The following PRTG variants were observed in gnomAD, a reference collection of about 807,000 sequenced individuals.
PRTG encodes the protein immunoglobulin superfamily, DCC subclass, member 5.
A neutral mutation model predicts 122.5 loss-of-function variants in PRTG; 67 were observed. The observed-to-expected ratio is 0.55, with a 90% CI of 0.45 to 0.67. The LOEUF is 0.67. PRTG is among the 30% of genes least tolerant of loss of function. PRTG has a pLI of 0.00. For synonymous variants in PRTG, 554 were observed against 501.1 expected (o/e 1.11, Z -1.41); for missense variants, 1,435 against 1,415.4 (o/e 1.01, Z -0.22).
chr15:55,741,383 G>C (rs1323560646), intron 1 of PRTG, among the ~76,000 whole-genome samples: 2 of 152,166 alleles, frequency 1.3e-5, no homozygotes, highest in African/African-American at 2.4e-5. Flanking sequence ...CACTTTTCTA[G>C]AACTACCAAC....
At position 55,618,142 on chromosome 15, in the gene PRTG, C is replaced by G. The variant is rs1282541067; in HGVS notation, c.*1870G>C. The G allele has an allele frequency of 6.6e-6, 1 of 152,142 alleles. No homozygotes were observed. The highest frequency in any genetic ancestry group is 6.5e-5 in the Admixed American group (1 of 15,268). 9.4% of individuals were successfully genotyped at this position (152,142 alleles called of 1,614,324 possible). On this transcript the variant is annotated 3_prime_UTR_variant, in exon 20 of 20. Transcript: ENST00000389286. ...ATGAATTCCGTACTTAGATAACTAA[C>G]TGGGGGACTCTGAGTTTAGTTCAGA...
At chr15:55,686,092 C>T (rs1428326610) in intron 2 of PRTG, among the ~76,000 whole-genome samples, 1 of 152,168 alleles carries the variant, frequency 6.6e-6, no homozygotes, top group East Asian at 1.9e-4. Context: ...ATCAGCTTCA[C>T]ATTCAGGCAG....
At chr15:55,622,771 G>C (rs1267767540) in intron 18 of PRTG, among the ~76,000 whole-genome samples, 1 of 151,608 alleles carries the variant, frequency 6.6e-6, no homozygotes, top group Non-Finnish European at 1.5e-5. Flanking sequence ...CCCGACCTCA[G>C]GTGATACACC....
intron 2 of PRTG, among the ~76,000 whole-genome samples, chr15:55,712,900 T>C (rs2030446400): frequency 6.6e-6 from 1 of 152,188 alleles, no homozygotes; most frequent in African/African-American, 2.4e-5. Flanking sequence ...TCTGACAAAA[T>C]AGGAAAATGT....
intron 7 of PRTG, among the ~76,000 whole-genome samples, 153 bp downstream of exon 7, chr15:55,679,133 T>C (rs1269716628): frequency 2.0e-5 from 3 of 152,226 alleles, no homozygotes; most frequent in African/African-American, 7.2e-5. Context: ...TATGACATGA[T>C]AATGTTATAA....
intron 2 of PRTG, among the ~76,000 whole-genome samples, chr15:55,698,856 G>T (rs2059646322): frequency 6.6e-6 from 1 of 152,016 alleles, no homozygotes; most frequent in African/African-American, 2.4e-5. Flanking sequence ...TACAGAGAGG[G>T]ATGGGGAGAG....
In PRTG at chr15:55,624,410, C is replaced by T; in HGVS notation, c.3025G>A (p.Glu1009Lys). The change falls in exon 18 of 20, where the codon GAA becomes AAA. Residue 1009 changes from glutamate (E) to lysine (K), a missense_variant. Transcript: ENST00000389286. ...ASGNEVGKNL[E>K]GAVGNEESLM... is the part of the protein sequence containing the mutation. ...GATTCTTCATTTCCTACAGCTCCTT[C>T]CAGGTTCTTTCCTACCTCATTTCCA... 6.2e-7 allele frequency: 1 copy of T among 1,614,038 alleles called. No individual in the cohort carries two copies. Among genetic ancestry groups the T allele is most frequent in the Non-Finnish European group, 8.5e-7 (1 of 1,179,948 alleles).
At chr15:55,636,259 T>C (rs567515456) in intron 15 of PRTG, among the ~76,000 whole-genome samples, 1 of 152,328 alleles carries the variant, frequency 6.6e-6, no homozygotes, top group South Asian at 2.1e-4. Flanking sequence ...TAATCAGCTT[T>C]TCCCTGTATT....
chr15:55,673,585 C>T lies in PRTG; in HGVS notation c.1638G>A (p.Arg546=). The change falls in exon 10 of 20, where the codon CGG becomes CGA. Residue 546 remains arginine (R), a synonymous_variant. Transcript: ENST00000389286. ...ACAAGCGATACAGCACCACTTGGCC[C>T]CGCCGATATTTGGCTGGGATTGGCA... ...SWLPIPAKYR[R]GQVVLYRLSF... is the part of the protein sequence containing the mutation. 5 of 1,614,148 alleles carry T rather than the reference C, an allele frequency of 3.1e-6. No individual in the cohort carries two copies. The highest frequency in any genetic ancestry group is 4.2e-6 in the Non-Finnish European group (5 of 1,180,016).
intron 15 of PRTG, among the ~76,000 whole-genome samples, chr15:55,629,955 C>CT (rs2059218086): frequency 6.7e-6 from 1 of 148,368 alleles, no homozygotes; most frequent in Non-Finnish European, 1.5e-5. Context: ...GTAGCTGGGA[C>CT]TACAGGCACC....
chr15:55,679,313 G>A lies in PRTG; in HGVS notation c.1106C>T (p.Ser369Leu), dbSNP rs764068658. The A allele has an allele frequency of 1.8e-5, 29 of 1,611,924 alleles. No individual in the cohort carries two copies. In the African/African-American group the frequency reaches 2.1e-4, roughly 12 times the overall value. ...GTTGTACATTTTAATTCTACCATTC[G>A]AATGTATCTTCCTTCCATTTTTCAA... ...SWLKNGRKIHSNGRIKMYNSK... is the reference protein window; with the variant it reads ...SWLKNGRKIHLNGRIKMYNSK... Residue 369 changes from serine (S) to leucine (L), a missense_variant, in exon 7 of 20, where the codon TCG (serine) becomes TTG (leucine). By Grantham distance (145) the Ser-to-Leu change is moderately radical (BLOSUM62 -2). Transcript: ENST00000389286.
chr15:55,633,611 C>G (rs969467711), intron 15 of PRTG, among the ~76,000 whole-genome samples: 1 of 151,916 alleles, frequency 6.6e-6, no homozygotes, highest in African/African-American at 2.4e-5. Context: ...ATTCTTTTTT[C>G]CTTCATCTTT....
At chr15:55,632,812 T>C (rs1044981274) in intron 15 of PRTG, among the ~76,000 whole-genome samples, 2 of 152,244 alleles carry the variant, frequency 1.3e-5, no homozygotes, top group Non-Finnish European at 2.9e-5. Flanking sequence ...GTTTGTTACC[T>C]GTGATACAAG....
At position 55,681,646 on chromosome 15, in the gene PRTG, A is replaced by AC. The variant is rs1472209707; in HGVS notation, c.676+717_676+718insG. On this transcript the variant is annotated intron_variant, in intron 4 of 19. Coordinates refer to ENST00000389286, the MANE Select transcript of PRTG (RefSeq NM_173814.6). Reference sequence around the variant, plus strand: ...AAATTGTTTAATATAGAAGCTTTATATTTTCTATTTTCATAAACATTGCTT... The same window carrying AC: ...AAATTGTTTAATATAGAAGCTTTATACTTTTCTATTTTCATAAACATTGCTT... Among the ~76,000 whole-genome samples, 5 of 152,178 alleles carry AC rather than the reference A, an allele frequency of 3.3e-5. No individual in the cohort carries two copies. The South Asian group carries it at 1.0e-3, about 32-fold the overall frequency.
chr15:55,624,536 T>C, intron 17 of PRTG, 29 bp from the exon 18 acceptor site: 1 of 1,589,870 alleles, frequency 6.3e-7, no homozygotes, highest in South Asian at 1.2e-5. Context: ...GAGGAAGTCT[T>C]CTAATTTCAT....
chr15:55,701,690 CA>C (rs1270640632), intron 2 of PRTG, among the ~76,000 whole-genome samples: 2 of 152,138 alleles, frequency 1.3e-5, no homozygotes, highest in African/African-American at 2.4e-5. Flanking sequence ...AATTGTCCTT[CA>C]AAGGTAGTGA....
At position 55,740,213 on chromosome 15, in the gene PRTG, T is replaced by C. The variant is rs57782071; in HGVS notation, c.397+169A>G. Among the ~76,000 whole-genome samples, 19,000 of 152,232 alleles carry C rather than the reference T, an allele frequency of 0.12. 1,476 individuals are homozygous for C. Among genetic ancestry groups the C allele is most frequent in the East Asian group, 0.34 (1,773 of 5,172 alleles). Reference sequence around the variant, plus strand: ...GTTCTCAATTACTCATTTGAATTTATATACGTATTTTTTTCAGATTTCTCT... The same window carrying C: ...GTTCTCAATTACTCATTTGAATTTACATACGTATTTTTTTCAGATTTCTCT... On this transcript the variant is annotated intron_variant, in intron 2 of 19. Coordinates refer to ENST00000389286, the MANE Select transcript of PRTG (RefSeq NM_173814.6).
chr15:55,621,014 T>G (rs2059163353), intron 18 of PRTG, among the ~76,000 whole-genome samples: 1 of 152,148 alleles, frequency 6.6e-6, no homozygotes. Flanking sequence ...ACAAAATGCT[T>G]AAATGTTAAC....
At chr15:55,698,295 AC>A (rs557697664) in intron 2 of PRTG, among the ~76,000 whole-genome samples, 57 of 152,086 alleles carry the variant, frequency 3.7e-4, no homozygotes, top group African/African-American at 1.3e-3. Flanking sequence ...GAATGACTCC[AC>A]CCACTCCATT....
Sources: allele counts gnomAD v4.1 joint callset (sites outside exome capture counted in the v4.1 genomes callset), GRCh38; gene constraint gnomAD v4.1.1; transcripts MANE v1.5; gene names NCBI Gene and HGNC (gene_info 2026-07-23, HGNC 2026-07-21).